PCDH15: variants seen among roughly 807,000 people sequenced by gnomAD.
The protein encoded by PCDH15 is protocadherin related 15.
Under a neutral mutation model 178.5 loss-of-function variants are expected in PCDH15, and 129 were observed. The observed-to-expected ratio is 0.72, with a 90% CI of 0.63 to 0.84. The LOEUF is 0.84. PCDH15 is among the 40% of genes least tolerant of loss of function. PCDH15 has a pLI of 0.00. For synonymous variants in PCDH15, 800 were observed against 732.0 expected, an observed-to-expected ratio of 1.09 and a Z score of -1.50; for missense variants, 2,230 against 2,099.9, an observed-to-expected ratio of 1.06 and a Z score of -1.21.
chr10:54,939,174 T>G (rs1448909879), intron 2 of PCDH15, among the ~76,000 whole-genome samples: 3 of 151,990 alleles, frequency 2.0e-5, no homozygotes, highest in Non-Finnish European at 4.4e-5. Context: ...GTAGTTTGTG[T>G]CTTTCTAGGT....
intron 1 of PCDH15, among the ~76,000 whole-genome samples, chr10:54,702,543 C>CAGA (rs771177529): frequency 3.2e-5 from 4 of 125,682 alleles, no homozygotes; most frequent in African/African-American, 1.2e-4. Flanking sequence ...CACAGAAATA[C>CAGA]AAAAAAAAAA....
intron 20 of PCDH15, among the ~76,000 whole-genome samples, chr10:54,008,125 A>T (rs2135116644): frequency 6.6e-6 from 1 of 152,300 alleles, no homozygotes; most frequent in Non-Finnish European, 1.5e-5. Context: ...ATTTGGGAGA[A>T]TTTCCTACAA....
At chr10:54,779,412 A>ATATACACACACACATATATGTGTG (rs1950044628) in intron 1 of PCDH15, among the ~76,000 whole-genome samples, 1 of 119,652 alleles carries the variant, frequency 8.4e-6, no homozygotes, top group African/African-American at 3.1e-5. Context: ...ATATGTATAT[A>ATATACACACACACATATATGTGTG]TATATATATA....
rs376414725 is a variant in PCDH15 at position 54,640,180 on chromosome 10, T to C, written c.91+23992A>G. On this transcript the variant is annotated intron_variant, in intron 2 of 37. Coordinates refer to ENST00000644397, the MANE Select transcript of PCDH15 (RefSeq NM_001384140.1). The stretch of plus-strand genomic sequence containing the variant: ...AGTTAATGTTGCTTCCATCTGAATG[T>C]GTAATTTGATAATAAAGTTATTTTG... Among the ~76,000 whole-genome samples the C allele has an allele frequency of 3.3e-5, 5 of 152,292 alleles. No individual in the cohort carries two copies. In the East Asian group the frequency reaches 9.6e-4, roughly 29 times the overall value.
intron 2 of PCDH15, among the ~76,000 whole-genome samples, chr10:55,370,813 A>G (rs1453112141): frequency 6.6e-6 from 1 of 152,074 alleles, no homozygotes; most frequent in African/African-American, 2.4e-5. Flanking sequence ...CTAACATATA[A>G]TCCATCCAAT....
At chr10:54,347,079 A>ATCAGAAC (rs1165199089) in intron 5 of PCDH15, among the ~76,000 whole-genome samples, 62 of 152,312 alleles carry the variant, frequency 4.1e-4, no homozygotes, top group African/African-American at 1.4e-3. Context: ...GGATTAAAAC[A>ATCAGAAC]TCAGAACTTA....
At position 53,874,307 on chromosome 10, in the gene PCDH15, C is replaced by T. The variant is rs75598677; in HGVS notation, c.3502-7450G>A. Among the ~76,000 whole-genome samples, 672 of 152,240 alleles carry T rather than the reference C, an allele frequency of 4.4e-3. 4 individuals carry two copies. The highest frequency in any genetic ancestry group is 0.015 in the African/African-American group (639 of 41,524). On this transcript the variant is annotated intron_variant, in intron 26 of 37. Coordinates refer to ENST00000644397, the MANE Select transcript of PCDH15 (RefSeq NM_001384140.1). Reference sequence around the variant, plus strand: ...GTAAAGGAGAAATTTACTTTTCCCCCTGCTACCACTGCTACTATCACCCCA... The same window carrying T: ...GTAAAGGAGAAATTTACTTTTCCCCTTGCTACCACTGCTACTATCACCCCA...
intron 2 of PCDH15, among the ~76,000 whole-genome samples, chr10:55,346,286 T>C (rs1186338578): frequency 1.3e-5 from 2 of 152,168 alleles, no homozygotes; most frequent in African/African-American, 4.8e-5. Context: ...GTTGCATGTG[T>C]ACACATTGCA....
At chr10:54,983,043 C>T (rs893242515) in intron 2 of PCDH15, among the ~76,000 whole-genome samples, 1 of 152,012 alleles carries the variant, frequency 6.6e-6, no homozygotes, top group Non-Finnish European at 1.5e-5. Context: ...ATGTTCTGAA[C>T]AATCAAGGAA....
rs1048016406 is a variant in PCDH15, at chr10:55,304,768, G to GCTAA, written c.-156+14827_-156+14830dup. Among the ~76,000 whole-genome samples, 86 of 152,070 alleles carry GCTAA rather than the reference G, an allele frequency of 5.7e-4. 1 individual carries two copies. The highest frequency in any genetic ancestry group is 5.0e-4 in the Non-Finnish European group (34 of 68,006). ...CTTAAGTTCTCACTTAGGAAAGAGG[G>GCTAA]CTAACTATAGGTTAGCATCTACAGG... On this transcript the variant is annotated intron_variant, in intron 1 of 5. Coordinates refer to the PCDH15 transcript ENST00000458638.
chr10:53,968,873 A>T (rs958210147), intron 21 of PCDH15, among the ~76,000 whole-genome samples: 1 of 152,188 alleles, frequency 6.6e-6, no homozygotes, highest in East Asian at 1.9e-4. Flanking sequence ...CAAAGACCAA[A>T]GGTAGATAAA....
At chr10:54,331,406 T>C (rs1187405911) in intron 6 of PCDH15, among the ~76,000 whole-genome samples, 3 of 151,972 alleles carry the variant, frequency 2.0e-5, no homozygotes, top group African/African-American at 7.2e-5. Context: ...CGTTCTTGGA[T>C]GCAGTCATTT....
chr10:53,841,963 A>C (rs960955629), intron 28 of PCDH15, among the ~76,000 whole-genome samples: 4 of 151,742 alleles, frequency 2.6e-5, no homozygotes, highest in Non-Finnish European at 2.9e-5. Context: ...AAAAAAAAAA[A>C]AACAACCCCG....
At chr10:54,361,362 A>C (rs1038172210) in intron 5 of PCDH15, among the ~76,000 whole-genome samples, 1 of 152,106 alleles carries the variant, frequency 6.6e-6, no homozygotes, top group African/African-American at 2.4e-5. Context: ...TTTTAGAATA[A>C]TATTTTAGGA....
rs979826493 is a variant in PCDH15, at chr10:53,822,540, T to G, written c.4368-2310A>C. 7 of 1,613,586 alleles carry G rather than the reference T, an allele frequency of 4.3e-6. No homozygotes were observed. The African/African-American group carries it at 8.0e-5, about 18-fold the overall frequency. Reference sequence around the variant, plus strand: ...TGGATGGGCAAAATTTTCAAAAATATTTCTTTCGGTTTCAATAGGTAACAT... The same window carrying G: ...TGGATGGGCAAAATTTTCAAAAATAGTTCTTTCGGTTTCAATAGGTAACAT... On this transcript the variant is annotated intron_variant, in intron 32 of 37. Coordinates refer to ENST00000644397, the MANE Select transcript of PCDH15 (RefSeq NM_001384140.1).
At chr10:54,960,366 G>A (rs1467709271) in intron 2 of PCDH15, among the ~76,000 whole-genome samples, 1 of 152,110 alleles carries the variant, frequency 6.6e-6, no homozygotes, top group Non-Finnish European at 1.5e-5. Context: ...GAAATAATGT[G>A]CTTATGATAA....
At chr10:54,602,230 T>C (rs2092571319) in intron 2 of PCDH15, among the ~76,000 whole-genome samples, 1 of 151,990 alleles carries the variant, frequency 6.6e-6, no homozygotes, top group South Asian at 2.1e-4. Flanking sequence ...TCCTGTTTGA[T>C]TAAATATATT....
intron 3 of PCDH15, among the ~76,000 whole-genome samples, chr10:54,513,960 G>A (rs1224834592): frequency 6.6e-6 from 1 of 152,148 alleles, no homozygotes; most frequent in Non-Finnish European, 1.5e-5. Context: ...TTAGCCACAG[G>A]CTTGCATGTT....
chr10:53,808,849 C>A (rs1452111665), intron 37 of PCDH15: 3 of 1,609,226 alleles, frequency 1.9e-6, no homozygotes, highest in East Asian at 2.2e-5. Context: ...TTCCTCCTCA[C>A]TTTCCACACC....
Sources: gnomAD v4.1 joint callset for allele counts (sites outside exome capture counted in the v4.1 genomes callset) on GRCh38, gnomAD v4.1.1 for gene constraint, MANE v1.5 for transcripts, NCBI Gene and HGNC (gene_info 2026-07-23, HGNC 2026-07-21) for gene names.